PAPOLA: variants seen among roughly 807,000 people sequenced by gnomAD.
PAPOLA encodes the protein polynucleotide adenylyltransferase alpha.
A neutral mutation model predicts 100.6 loss-of-function variants in PAPOLA; 15 were observed. That is an observed-to-expected ratio of 0.15 (90% CI 0.10 to 0.23). The LOEUF is 0.23. Among genes scored for constraint, PAPOLA ranks in the 10% least tolerant of loss-of-function variants. PAPOLA has a pLI of 1.00. For synonymous variants in PAPOLA, 293 were observed against 300.0 expected, an observed-to-expected ratio of 0.98 and a Z score of 0.24; for missense variants, 533 against 884.2, an observed-to-expected ratio of 0.60 and a Z score of 5.04.
chr14:96,515,722 C>G (rs2140243224), intron 1 of PAPOLA, among the ~76,000 whole-genome samples: 1 of 152,312 alleles, frequency 6.6e-6, no homozygotes, highest in Admixed American at 6.5e-5. Context: ...ATATTAAAAA[C>G]CAGGAAGACA....
intron 12 of PAPOLA, 48 bp from the exon 13 acceptor site, chr14:96,542,195 A>T: frequency 8.4e-7 from 1 of 1,192,826 alleles, no homozygotes; most frequent in Non-Finnish European, 1.2e-6. Context: ...AATATCCAGC[A>T]CAAAGCGTGT....
chr14:96,504,923 G>A (rs1896607368), intron 1 of PAPOLA, among the ~76,000 whole-genome samples: 1 of 152,138 alleles, frequency 6.6e-6, no homozygotes, highest in South Asian at 2.1e-4. Context: ...TTGGATGGGT[G>A]AGTGGCATTG....
intron 1 of PAPOLA, among the ~76,000 whole-genome samples, chr14:96,514,237 G>C (rs1368320229): frequency 6.6e-6 from 1 of 151,346 alleles, no homozygotes; most frequent in Non-Finnish European, 1.5e-5. Context: ...GGAGTGCTGG[G>C]ATCTCGGCTC....
chr14:96,534,780 G>A (rs1021632567), intron 10 of PAPOLA: 1 of 1,307,306 alleles, frequency 7.6e-7, no homozygotes, highest in Non-Finnish European at 9.8e-7. Context: ...ATTGTACATA[G>A]TTTTTAATAC....
At chr14:96,527,721 C>T (rs1468866840) in intron 5 of PAPOLA, 182 bp downstream of exon 5, 2 of 609,858 alleles carry the variant, frequency 3.3e-6, no homozygotes, top group African/African-American at 1.9e-5. Context: ...AACTCATTTA[C>T]AGATTAGGAA....
At chr14:96,541,066 T>C (rs773850951) in intron 12 of PAPOLA, among the ~76,000 whole-genome samples, 5 of 152,124 alleles carry the variant, frequency 3.3e-5, no homozygotes, top group Non-Finnish European at 5.9e-5. Context: ...ATTTTTTGTA[T>C]TTTTAGTAGA....
intron 19 of PAPOLA, 104 bp downstream of exon 19, chr14:96,556,517 G>A: frequency 1.2e-6 from 1 of 800,484 alleles, no homozygotes; most frequent in Non-Finnish European, 2.1e-6. Flanking sequence ...AAGGATCAAG[G>A]AACAAAGCTT....
At chr14:96,523,453 A>C (rs545147539) in intron 3 of PAPOLA, among the ~76,000 whole-genome samples, 1 of 152,350 alleles carries the variant, frequency 6.6e-6, no homozygotes, top group African/African-American at 2.4e-5. Context: ...ACCATTGGAG[A>C]GTATTCTTCA....
At chr14:96,547,311 A>G (rs551089442) in intron 15 of PAPOLA, among the ~76,000 whole-genome samples, 1 of 152,220 alleles carries the variant, frequency 6.6e-6, no homozygotes, top group East Asian at 1.9e-4. Flanking sequence ...GACCTCTGTT[A>G]TTTAAATTAT....
rs10533972 is a variant in PAPOLA, at chr14:96,532,284, TTGTGTGTGTG to T, written c.608-33_608-24del. On this transcript the variant is annotated intron_variant, in intron 7 of 21. Transcript: ENST00000216277. ...TTGTTTTTTTTTGTTTTGTTTTGTT[TTGTGTGTGTG>T]TGTGTGTGTGTGTTTTTTTTTACCC... 10 of 1,432,090 alleles carry T rather than the reference TTGTGTGTGTG, an allele frequency of 7.0e-6. No individual in the cohort carries two copies. In the African/African-American group the frequency reaches 1.3e-4, roughly 19 times the overall value. 88.7% of individuals were successfully genotyped at this position (1,432,090 alleles called of 1,614,324 possible).
At chr14:96,532,934 G>T in intron 9 of PAPOLA, 1 of 1,096,752 alleles carries the variant, frequency 9.1e-7, no homozygotes, top group Non-Finnish European at 1.1e-6. Flanking sequence ...TTATTGATAG[G>T]TTGGGAAATC....
intron 12 of PAPOLA, among the ~76,000 whole-genome samples, chr14:96,538,998 A>G (rs1188600225): frequency 6.6e-6 from 1 of 152,112 alleles, no homozygotes; most frequent in Non-Finnish European, 1.5e-5. Context: ...AATGCAAACT[A>G]ATCATCTTCC....
At chr14:96,557,827 A>G (rs1190732026) in intron 19 of PAPOLA, among the ~76,000 whole-genome samples, 1 of 151,970 alleles carries the variant, frequency 6.6e-6, no homozygotes. Context: ...GTAAATGAGA[A>G]TGAAAAACGG....
chr14:96,523,554 G>A (rs1012380632), intron 3 of PAPOLA, among the ~76,000 whole-genome samples: 14 of 152,186 alleles, frequency 9.2e-5, no homozygotes, highest in African/African-American at 3.1e-4. Flanking sequence ...TTGTGCACAC[G>A]TCTTGCTGGC....
At chr14:96,510,484 C>T (rs1180092148) in intron 1 of PAPOLA, among the ~76,000 whole-genome samples, 5 of 151,218 alleles carry the variant, frequency 3.3e-5, no homozygotes, top group Non-Finnish European at 7.4e-5. Context: ...CACACGCGCG[C>T]GTGCGCTTGT....
At chr14:96,514,924 C>CT (rs1238085194) in intron 1 of PAPOLA, among the ~76,000 whole-genome samples, 1 of 152,138 alleles carries the variant, frequency 6.6e-6, no homozygotes, top group Non-Finnish European at 1.5e-5. Context: ...TGCTTTCTCC[C>CT]TTTTTTATCA....
chr14:96,503,052 C>A (rs1191593392), intron 1 of PAPOLA: 1 of 168,718 alleles, frequency 5.9e-6, no homozygotes, highest in Non-Finnish European at 1.3e-5. Context: ...TTTTCTGTTC[C>A]TGGTCTGTCT....
At chr14:96,564,759 TG>T (rs1429218740) in intron 21 of PAPOLA, among the ~76,000 whole-genome samples, 195 bp from the exon 22 acceptor site, 1 of 152,114 alleles carries the variant, frequency 6.6e-6, no homozygotes, top group Non-Finnish European at 1.5e-5. Context: ...AAAATTCCTT[TG>T]TTGAACACAT....
In PAPOLA at chr14:96,502,587, G is replaced by A. The variant is rs768572606; in HGVS notation, c.-6G>A. 2.5e-6 allele frequency: 4 copies of A among 1,570,012 alleles called. No homozygotes were observed. The South Asian group carries it at 4.7e-5, about 18-fold the overall frequency. On this transcript the variant is annotated 5_prime_UTR_variant, in exon 1 of 22. Coordinates refer to ENST00000216277, the MANE Select transcript of PAPOLA (RefSeq NM_032632.5). The stretch of plus-strand genomic sequence containing the variant: ...AAGTGACTGGGCGGTGCCGGCGCCG[G>A]AGACGATGCCGTTGTAAGTAATTTG...
Sources: gnomAD v4.1 joint callset for allele counts (sites outside exome capture counted in the v4.1 genomes callset) on GRCh38, gnomAD v4.1.1 for gene constraint, MANE v1.5 for transcripts, NCBI Gene and HGNC (gene_info 2026-07-23, HGNC 2026-07-21) for gene names.